SEMA3E: variants seen among roughly 807,000 people sequenced by gnomAD.
The protein encoded by SEMA3E is semaphorin-3E.
A neutral mutation model predicts 93.6 loss-of-function variants in SEMA3E; 49 were observed. The ratio of observed to expected loss-of-function variants is 0.52; its 90% CI spans 0.42 to 0.66. The LOEUF is 0.66. SEMA3E is among the 30% of genes least tolerant of loss of function. The probability of loss-of-function intolerance (pLI) is 0.00; values close to 1 mark genes in which losing one functional copy is unlikely to be tolerated. For missense variants in SEMA3E, 906 were observed against 964.8 expected, an observed-to-expected ratio of 0.94 and a Z score of 0.81; for synonymous variants, 363 against 330.7, an observed-to-expected ratio of 1.10 and a Z score of -1.06.
At chr7:83,432,376 C>A (rs1209058916) in intron 4 of SEMA3E, among the ~76,000 whole-genome samples, 2 of 151,774 alleles carry the variant, frequency 1.3e-5, no homozygotes, top group African/African-American at 4.8e-5. Flanking sequence ...TCAAATGAAG[C>A]ATTTACTATC....
chr7:83,396,486 C>T (rs1269229462), intron 12 of SEMA3E, 152 bp downstream of exon 12: 2 of 580,444 alleles, frequency 3.4e-6, no homozygotes, highest in East Asian at 5.9e-5. Flanking sequence ...CAAACAGATG[C>T]ATTAGAATTT....
chr7:83,523,230 C>T (rs1427140786), intron 1 of SEMA3E, among the ~76,000 whole-genome samples: 1 of 152,032 alleles, frequency 6.6e-6, no homozygotes, highest in Non-Finnish European at 1.5e-5. Context: ...AGAGGTTTGC[C>T]TTCCATCTTC....
At chr7:83,416,182 T>C (rs954704796) in intron 5 of SEMA3E, among the ~76,000 whole-genome samples, 1 of 152,108 alleles carries the variant, frequency 6.6e-6, no homozygotes, top group Non-Finnish European at 1.5e-5. Flanking sequence ...AGTGAGTGGA[T>C]AAATGTGAAG....
chr7:83,593,141 T>C (rs1036266363), intron 1 of SEMA3E, among the ~76,000 whole-genome samples: 9 of 151,844 alleles, frequency 5.9e-5, no homozygotes, highest in African/African-American at 1.9e-4. Flanking sequence ...TACTAGCTAG[T>C]AGTGGAGCAT....
chr7:83,638,325 A>T (rs1439869152), intron 1 of SEMA3E, among the ~76,000 whole-genome samples: 2 of 152,170 alleles, frequency 1.3e-5, no homozygotes, highest in Admixed American at 1.3e-4. Context: ...CATGACCAAG[A>T]TGTATAACAA....
At chr7:83,445,124 CAAT>C (rs1562785695) in intron 4 of SEMA3E, among the ~76,000 whole-genome samples, 1 of 152,144 alleles carries the variant, frequency 6.6e-6, no homozygotes, top group Admixed American at 6.5e-5. Flanking sequence ...CTGTAGGTAA[CAAT>C]AACCAGTCCG....
intron 1 of SEMA3E, among the ~76,000 whole-genome samples, chr7:83,616,201 C>A (rs536280411): frequency 2.6e-5 from 4 of 152,114 alleles, no homozygotes; most frequent in South Asian, 4.1e-4. Context: ...ATATGTATTA[C>A]AAAACCATTT....
intron 1 of SEMA3E, among the ~76,000 whole-genome samples, chr7:83,599,239 G>C (rs911830083): frequency 6.6e-6 from 1 of 152,134 alleles, no homozygotes; most frequent in Admixed American, 6.6e-5. Flanking sequence ...TTCTAAAATA[G>C]TAAATCTAGA....
chr7:83,402,481 TA>T (rs748503651), intron 10 of SEMA3E, 150 bp downstream of exon 10: 35 of 651,060 alleles, frequency 5.4e-5, no homozygotes, highest in African/African-American at 1.3e-4. Context: ...TTTGAAGGAA[TA>T]TTTTTTTACT....
At position 83,479,683 on chromosome 7, in the gene SEMA3E, T is replaced by G. The variant is rs141277770; in HGVS notation, c.277-10381A>C. Among the ~76,000 whole-genome samples, 51 of 152,314 alleles carry G rather than the reference T, an allele frequency of 3.3e-4. No homozygotes were observed. In the East Asian group the frequency reaches 9.5e-3, roughly 28 times the overall value. ...TACTATGGATATCTGTTCTTACAGT[T>G]AAGAGAACTGAGAAACAGAGCTGTG... On this transcript the variant is annotated intron_variant, in intron 2 of 16. Transcript: ENST00000643230.
At chr7:83,530,916 A>C (rs1791281032) in intron 1 of SEMA3E, among the ~76,000 whole-genome samples, 1 of 152,276 alleles carries the variant, frequency 6.6e-6, no homozygotes, top group East Asian at 1.9e-4. Flanking sequence ...TAGTCAGCAG[A>C]CATGAATTTG....
chr7:83,380,673 C>CA (rs1193597943), intron 16 of SEMA3E, among the ~76,000 whole-genome samples: 7 of 151,894 alleles, frequency 4.6e-5, no homozygotes, highest in African/African-American at 1.7e-4. Flanking sequence ...TCCTTGGTTT[C>CA]AACAGAATCT....
intron 4 of SEMA3E, among the ~76,000 whole-genome samples, chr7:83,453,218 C>T (rs903219167): frequency 6.6e-6 from 1 of 151,938 alleles, no homozygotes; most frequent in African/African-American, 2.4e-5. Context: ...CTAGTAGAGA[C>T]GGGGTTTCAC....
chr7:83,535,963 C>T (rs1316387093), intron 1 of SEMA3E, among the ~76,000 whole-genome samples: 2 of 152,042 alleles, frequency 1.3e-5, no homozygotes, highest in East Asian at 3.9e-4. Context: ...AGCAGGATCT[C>T]GTTAATCAAA....
intron 1 of SEMA3E, among the ~76,000 whole-genome samples, chr7:83,501,306 A>C (rs1790592339): frequency 6.6e-6 from 1 of 152,348 alleles, no homozygotes; most frequent in East Asian, 1.9e-4. Context: ...ACAAAAGTGT[A>C]ATGTTATAAT....
At chr7:83,454,175 G>A (rs1031571849) in intron 4 of SEMA3E, among the ~76,000 whole-genome samples, 2 of 147,470 alleles carry the variant, frequency 1.4e-5, no homozygotes, top group African/African-American at 2.5e-5. Context: ...GGAGAATTGC[G>A]TGAACCCGGG....
At chr7:83,493,552 T>G (rs564279903) in intron 1 of SEMA3E, among the ~76,000 whole-genome samples, 1 of 151,986 alleles carries the variant, frequency 6.6e-6, no homozygotes, top group East Asian at 1.9e-4. Flanking sequence ...TTTTTTAAAT[T>G]TATAAACCTA....
At chr7:83,462,344 C>T (rs911309062) in intron 4 of SEMA3E, among the ~76,000 whole-genome samples, 2 of 152,158 alleles carry the variant, frequency 1.3e-5, no homozygotes, top group African/African-American at 4.8e-5. Flanking sequence ...TAAAACTCCC[C>T]AACTCTGGTG....
intron 1 of SEMA3E, among the ~76,000 whole-genome samples, chr7:83,524,051 T>A (rs1791104483): frequency 6.6e-6 from 1 of 152,170 alleles, no homozygotes; most frequent in South Asian, 2.1e-4. Context: ...AATATTGTTA[T>A]CTACTACTTC....
Sources: allele counts gnomAD v4.1 joint callset (sites outside exome capture counted in the v4.1 genomes callset), GRCh38; gene constraint gnomAD v4.1.1; transcripts MANE v1.5; gene names NCBI Gene and HGNC (gene_info 2026-07-23, HGNC 2026-07-21).